UBAP2: variants seen among roughly 807,000 people sequenced by gnomAD.
UBAP2 encodes ubiquitin-associated protein 2.
In UBAP2, 75 loss-of-function variants were observed where a neutral mutation model predicts 139.6. The observed-to-expected ratio is 0.54, with a 90% confidence interval of 0.45 to 0.65. The LOEUF (loss-of-function observed/expected upper bound fraction) is 0.65, where lower values mean the gene tolerates loss of function less well. Ranked by LOEUF, UBAP2 falls within the 30% of genes least tolerant of loss-of-function variation. The pLI, the probability that UBAP2 is intolerant of heterozygous loss-of-function variation, is 0.00. For synonymous variants in UBAP2, 526 were observed against 526.2 expected, an observed-to-expected ratio of 1.00 and a Z score of 0.01; for missense variants, 1,368 against 1,369.6, an observed-to-expected ratio of 1.00 and a Z score of 0.02.
At chr9:33,961,010 C>A in intron 9 of UBAP2, 132 bp from the exon 10 acceptor site, 1 of 767,096 alleles carries the variant, frequency 1.3e-6, no homozygotes, top group Non-Finnish European at 2.2e-6. Flanking sequence ...GTTTACAACC[C>A]AAGAAACATG....
At chr9:33,966,410 C>T (rs1158145062) in intron 8 of UBAP2, among the ~76,000 whole-genome samples, 1 of 151,556 alleles carries the variant, frequency 6.6e-6, no homozygotes, top group Non-Finnish European at 1.5e-5. Context: ...GAGTTGAGAT[C>T]GCAACACTGC....
chr9:33,932,125 T>C (rs978377807), intron 19 of UBAP2, among the ~76,000 whole-genome samples: 13 of 152,130 alleles, frequency 8.5e-5, no homozygotes, highest in African/African-American at 3.1e-4. Context: ...AAATTAAAGC[T>C]GGCGCGCCGA....
chr9:33,923,102 C>T (rs1823066064), intron 26 of UBAP2, 69 bp from the exon 27 acceptor site: 37 of 1,612,880 alleles, frequency 2.3e-5, no homozygotes, highest in South Asian at 2.2e-5. Context: ...TCCAGGATCA[C>T]TCAGGGGTTG....
At chr9:33,928,022 T>A in intron 19 of UBAP2, 30 bp from the exon 20 acceptor site, 9 of 1,588,828 alleles carry the variant, frequency 5.7e-6, no homozygotes, top group Non-Finnish European at 7.7e-6. Flanking sequence ...GACACATGGA[T>A]CTGGAGGCAG....
intron 19 of UBAP2, among the ~76,000 whole-genome samples, chr9:33,930,821 G>A (rs1047157056): frequency 6.6e-6 from 1 of 150,660 alleles, no homozygotes; most frequent in African/African-American, 2.5e-5. Context: ...GCTTGAACCC[G>A]GGAAGTGGAG....
At position 33,944,494 on chromosome 9, in the gene UBAP2, G is replaced by T; in HGVS notation, c.1416C>A (p.Asp472Glu). The T allele has an allele frequency of 6.2e-7, 1 of 1,614,134 alleles. No homozygotes were observed. The change falls in exon 14 of 29, where the codon GAC (aspartate) becomes GAA (glutamate). Residue 472 changes from aspartate to glutamate, a missense_variant. Asp to Glu is a conservative substitution (Grantham distance 45). Coordinates refer to ENST00000379238, the MANE Select transcript of UBAP2 (RefSeq NM_001370062.2). ...QAKLRESTPG[D>E]SPSTVNKLLQ... ...AAAGCTTGTTCACAGTGGAGGGACT[G>T]TCTCCAGGTGTTGATTCTCGAAGTT... is the stretch of plus-strand genomic sequence containing the variant.
chr9:34,008,318 C>CAAA (rs35956096), intron 2 of UBAP2, among the ~76,000 whole-genome samples: 1 of 113,008 alleles, frequency 8.8e-6, no homozygotes, highest in Non-Finnish European at 1.9e-5. Flanking sequence ...AACTCCGTCT[C>CAAA]AAAAAAAAAA....
intron 1 of UBAP2, among the ~76,000 whole-genome samples, chr9:34,020,904 C>T (rs1824885830): frequency 6.6e-6 from 1 of 152,056 alleles, no homozygotes; most frequent in African/African-American, 2.4e-5. Context: ...CCTCGTGATC[C>T]ACCCGCCTCG....
chr9:33,925,271 C>A (rs570633229), intron 22 of UBAP2, among the ~76,000 whole-genome samples: 1 of 152,184 alleles, frequency 6.6e-6, no homozygotes, highest in Non-Finnish European at 1.5e-5. Flanking sequence ...CAGCCTAGAA[C>A]CCCCGGAAGA....
intron 1 of UBAP2, among the ~76,000 whole-genome samples, chr9:34,025,683 T>C (rs1464826517): frequency 2.0e-5 from 3 of 152,218 alleles, no homozygotes; most frequent in African/African-American, 7.2e-5. Context: ...ACAAAGATAT[T>C]CTCTATGAAA....
At chr9:33,935,660 G>T in intron 17 of UBAP2, 179 bp downstream of exon 17, 2 of 692,618 alleles carry the variant, frequency 2.9e-6, no homozygotes, top group Non-Finnish European at 5.2e-6. Flanking sequence ...TCTTGCTGTG[G>T]TTAAGACATT....
At chr9:33,936,312 T>A (rs1824509425) in intron 16 of UBAP2, among the ~76,000 whole-genome samples, 1 of 152,116 alleles carries the variant, frequency 6.6e-6, no homozygotes, top group Non-Finnish European at 1.5e-5. Flanking sequence ...GGTAACTTTT[T>A]GAGATGGTGT....
intron 6 of UBAP2, among the ~76,000 whole-genome samples, chr9:33,978,648 C>T (rs1460725808): frequency 2.6e-5 from 4 of 151,876 alleles, no homozygotes; most frequent in East Asian, 1.9e-4. Context: ...GATGTGCTGG[C>T]GGGTGCCTAT....
intron 12 of UBAP2, 96 bp from the exon 13 acceptor site, chr9:33,948,683 C>A: frequency 9.9e-7 from 1 of 1,005,988 alleles, no homozygotes. Flanking sequence ...TATGTTAAAA[C>A]CTATAATCTA....
In UBAP2 at chr9:34,048,865, C is replaced by A. The variant is rs1179569901; in HGVS notation, c.-82G>T. The A allele has an allele frequency of 6.6e-6, 1 of 152,408 alleles. No individual in the cohort carries two copies. The highest frequency in any genetic ancestry group is 1.9e-4 in the East Asian group (1 of 5,162). 9.4% of individuals were successfully genotyped at this position (152,408 alleles called of 1,614,324 possible). ...AGGACCCAAGACCCGCTGCCGCCGC[C>A]GCCGCTCGTTACCTGCCAATGTGCC... On this transcript the variant is annotated 5_prime_UTR_variant, in exon 1 of 29. Transcript: ENST00000379238.
intron 6 of UBAP2, among the ~76,000 whole-genome samples, chr9:33,978,910 A>T (rs1424703949): frequency 6.6e-6 from 1 of 152,216 alleles, no homozygotes. Flanking sequence ...TTTTTCTTCC[A>T]TCCAGAAGGA....
chr9:33,968,243 AG>A, intron 8 of UBAP2: 2 of 622,304 alleles, frequency 3.2e-6, no homozygotes, highest in Non-Finnish European at 6.3e-6. Context: ...CATTGTAAAC[AG>A]GAAGCTGGAT....
chr9:34,048,185 C>G (rs1827779383), intron 1 of UBAP2, among the ~76,000 whole-genome samples: 1 of 152,320 alleles, frequency 6.6e-6, no homozygotes, highest in East Asian at 1.9e-4. Context: ...GTATTATTAA[C>G]AGAGAGAGCT....
chr9:34,002,788 C>T (rs958907751), intron 2 of UBAP2, among the ~76,000 whole-genome samples: 2 of 151,988 alleles, frequency 1.3e-5, no homozygotes, highest in Non-Finnish European at 2.9e-5. Context: ...TCCCACCTCA[C>T]GCACTCCACC....
Sources: allele counts gnomAD v4.1 joint callset (sites outside exome capture counted in the v4.1 genomes callset), GRCh38; gene constraint gnomAD v4.1.1; transcripts MANE v1.5; gene names NCBI Gene and HGNC (gene_info 2026-07-23, HGNC 2026-07-21).